DTWD2: variants seen among roughly 807,000 people sequenced by gnomAD.
The protein encoded by DTWD2 is tRNA-uridine aminocarboxypropyltransferase 2.
In DTWD2, 39 loss-of-function variants were observed where a neutral mutation model predicts 31.8. That is an observed-to-expected ratio of 1.22 (90% CI 0.95 to 1.60). The LOEUF is 1.60. Among genes scored for constraint, DTWD2 ranks in the 40% most tolerant of loss-of-function variants. The pLI is 0.00. For missense variants in DTWD2, 515 were observed against 381.5 expected, an observed-to-expected ratio of 1.35 and a Z score of -2.92; for synonymous variants, 180 against 142.8, an observed-to-expected ratio of 1.26 and a Z score of -1.86.
At position 118,840,749 on chromosome 5, in the gene DTWD2, G is replaced by A; in HGVS notation, c.*168C>T. Reference sequence around the variant, plus strand: ...CTTTTCAGTGAGCCAGTGAATTTCTGTTTATTTGTATTTATGAATATTTGG... The same window carrying A: ...CTTTTCAGTGAGCCAGTGAATTTCTATTTATTTGTATTTATGAATATTTGG... On this transcript the variant is annotated 3_prime_UTR_variant, in exon 6 of 6. Coordinates refer to ENST00000510708, the MANE Select transcript of DTWD2 (RefSeq NM_173666.4). 2 of 660,710 alleles carry A rather than the reference G, an allele frequency of 3.0e-6. No individual in the cohort carries two copies. Among genetic ancestry groups the A allele is most frequent in the Non-Finnish European group, 4.4e-6 (2 of 453,638 alleles). The allele number at this position is 660,710 out of a possible 1,614,324, so 40.9% of individuals were successfully genotyped here.
At chr5:118,937,839 G>A (rs1361037799) in intron 3 of DTWD2, among the ~76,000 whole-genome samples, 2 of 151,628 alleles carry the variant, frequency 1.3e-5, no homozygotes, top group African/African-American at 2.4e-5. Flanking sequence ...TGGTATCTGT[G>A]TGTAATAAAC....
chr5:118,926,647 G>A (rs762857820), intron 4 of DTWD2, among the ~76,000 whole-genome samples: 16 of 152,174 alleles, frequency 1.1e-4, no homozygotes, highest in Non-Finnish European at 2.4e-4. Flanking sequence ...ATGGGATACA[G>A]TGACAGTTAT....
At chr5:118,889,528 A>T (rs1752936030) in intron 4 of DTWD2, among the ~76,000 whole-genome samples, 1 of 152,058 alleles carries the variant, frequency 6.6e-6, no homozygotes, top group Admixed American at 6.6e-5. Flanking sequence ...ACACGGGGGG[A>T]TATGCATGTA....
chr5:118,962,841 A>C (rs1182720552), intron 1 of DTWD2, among the ~76,000 whole-genome samples: 2 of 152,228 alleles, frequency 1.3e-5, no homozygotes, highest in Non-Finnish European at 2.9e-5. Flanking sequence ...CTTTTTCAAG[A>C]GAAAACAGAG....
Position 118,977,248 on chromosome 5 carries a change from C to T in DTWD2, c.218+11046G>A, listed in dbSNP as rs544619265. 4.9e-4 allele frequency among the ~76,000 whole-genome samples: 75 copies of T among 152,286 alleles called. 1 individual carries two copies. The South Asian group carries it at 0.015, about 31-fold the overall frequency. On this transcript the variant is annotated intron_variant, in intron 1 of 5. Transcript: ENST00000510708. ...CAATATCATACTGAATGGGCAAACG[C>T]TGGAAGCATTTCCTTTGAAGATCGG... is the stretch of plus-strand genomic sequence containing the variant.
At chr5:118,967,498 C>A (rs577566900) in intron 1 of DTWD2, among the ~76,000 whole-genome samples, 48 of 152,288 alleles carry the variant, frequency 3.2e-4, no homozygotes, top group African/African-American at 1.1e-3. Context: ...AAGCCTGGAT[C>A]ATCTTACAGT....
chr5:118,861,589 A>G (rs927261665), intron 4 of DTWD2, among the ~76,000 whole-genome samples: 3 of 152,158 alleles, frequency 2.0e-5, no homozygotes, highest in Admixed American at 2.0e-4. Flanking sequence ...TTTTTAAAAA[A>G]GAATACTTTC....
chr5:118,881,779 C>T (rs7737716), intron 4 of DTWD2, among the ~76,000 whole-genome samples: 42,447 of 151,920 alleles, frequency 0.28, 9,827 homozygotes, highest in African/African-American at 0.64. Flanking sequence ...AATCCCTCAC[C>T]ATCATGAGAA....
chr5:118,960,799 T>C (rs1481151167), intron 1 of DTWD2, among the ~76,000 whole-genome samples: 1 of 152,060 alleles, frequency 6.6e-6, no homozygotes, highest in Non-Finnish European at 1.5e-5. Flanking sequence ...TGGAGGCCAT[T>C]ATCCTAAGTG....
chr5:118,929,841 GA>G (rs1753884689), intron 3 of DTWD2, among the ~76,000 whole-genome samples: 1 of 152,090 alleles, frequency 6.6e-6, no homozygotes, highest in African/African-American at 2.4e-5. Flanking sequence ...AATAATAACT[GA>G]AAGTCTGACA....
intron 4 of DTWD2, among the ~76,000 whole-genome samples, chr5:118,878,979 C>CA (rs931748292): frequency 5.3e-5 from 8 of 152,058 alleles, no homozygotes; most frequent in African/African-American, 1.7e-4. Context: ...ATTAAAAAGT[C>CA]AAAAAATAAC....
intron 4 of DTWD2, among the ~76,000 whole-genome samples, chr5:118,890,498 T>C (rs1049636745): frequency 6.6e-6 from 1 of 150,608 alleles, no homozygotes; most frequent in African/African-American, 2.4e-5. Flanking sequence ...TCTAATTACA[T>C]AAATTTCTCT....
At chr5:118,850,590 C>T (rs1021380128) in intron 4 of DTWD2, among the ~76,000 whole-genome samples, 1 of 150,412 alleles carries the variant, frequency 6.6e-6, no homozygotes, top group African/African-American at 2.4e-5. Flanking sequence ...GTAATACCCT[C>T]TGGATATCAA....
At chr5:118,944,238 C>T (rs546142055) in intron 2 of DTWD2, among the ~76,000 whole-genome samples, 16 of 152,174 alleles carry the variant, frequency 1.1e-4, no homozygotes, top group Non-Finnish European at 1.5e-5. Context: ...TAAGCTATGA[C>T]CAAAATTTAA....
rs181150781 is a variant in DTWD2, at chr5:118,888,457, G to C, written c.597+40080C>G. Among the ~76,000 whole-genome samples the C allele has an allele frequency of 2.6e-5, 4 of 152,194 alleles. No individual in the cohort carries two copies. The East Asian group carries it at 7.7e-4, about 29-fold the overall frequency. ...TAGTGCACTGTTTTTTTACTACTTA[G>C]TAGTTTTTCATTACATGTATATGCC... On this transcript the variant is annotated intron_variant, in intron 4 of 5. Transcript: ENST00000510708.
rs1389152086 is a variant in DTWD2 at position 118,837,939 on chromosome 5, A to C, written c.*2978T>G. The C allele has an allele frequency of 6.6e-6, 1 of 152,130 alleles. No homozygotes were observed. The highest frequency in any genetic ancestry group is 1.5e-5 in the Non-Finnish European group (1 of 68,026). The allele number at this position is 152,130 out of a possible 1,614,324, so 9.4% of individuals were successfully genotyped here. ...GTCTCTAAAATACATAAATAAATAA[A>C]TCACTAACTGGTGGTATAGTGAGGA... On this transcript the variant is annotated 3_prime_UTR_variant, in exon 6 of 6. Coordinates refer to ENST00000510708, the MANE Select transcript of DTWD2 (RefSeq NM_173666.4).
At chr5:118,883,082 C>G (rs750783519) in intron 4 of DTWD2, among the ~76,000 whole-genome samples, 13 of 152,176 alleles carry the variant, frequency 8.5e-5, no homozygotes, top group Non-Finnish European at 1.5e-4. Context: ...TACCTACATC[C>G]TGAATGCTTT....
chr5:118,930,680 T>C, intron 3 of DTWD2, among the ~76,000 whole-genome samples: 1 of 152,224 alleles, frequency 6.6e-6, no homozygotes, highest in East Asian at 1.9e-4. Context: ...TACTAATATA[T>C]GTTACAACAT....
At chr5:118,872,143 C>T (rs1445158805) in intron 4 of DTWD2, among the ~76,000 whole-genome samples, 20 of 152,160 alleles carry the variant, frequency 1.3e-4, no homozygotes, top group Admixed American at 1.3e-3. Context: ...AGAGTTAGAG[C>T]CTTGCTGTAG....
Sources: allele counts gnomAD v4.1 joint callset (sites outside exome capture counted in the v4.1 genomes callset), GRCh38; gene constraint gnomAD v4.1.1; transcripts MANE v1.5; gene names NCBI Gene and HGNC (gene_info 2026-07-23, HGNC 2026-07-21).